SNX29: variants seen among roughly 807,000 people sequenced by gnomAD.
SNX29 encodes sorting nexin 29.
In SNX29, 78 loss-of-function variants were observed where a neutral mutation model predicts 102.1. The ratio of observed to expected loss-of-function variants is 0.76; its 90% CI spans 0.64 to 0.92. The LOEUF (loss-of-function observed/expected upper bound fraction) is 0.92. Ranked by LOEUF, SNX29 falls within the 40% of genes least tolerant of loss-of-function variation. SNX29 has a pLI of 0.00. For missense variants in SNX29, 1,280 were observed against 1,061.7 expected (o/e 1.21, Z -2.86); for synonymous variants, 580 against 414.5 (o/e 1.40, Z -4.85).
chr16:12,019,240 C>T (rs1258687229), intron 3 of SNX29, among the ~76,000 whole-genome samples: 1 of 152,182 alleles, frequency 6.6e-6, no homozygotes, highest in African/African-American at 2.4e-5. Flanking sequence ...TGGAGTCTCG[C>T]TCTGTCACCC....
At chr16:12,115,658 G>T (rs1484381941) in intron 11 of SNX29, among the ~76,000 whole-genome samples, 6 of 152,202 alleles carry the variant, frequency 3.9e-5, no homozygotes, top group Admixed American at 3.9e-4. Context: ...TTGCAGTGAA[G>T]AATGGGTAGG....
chr16:12,270,979 G>T (rs892107058), intron 14 of SNX29, among the ~76,000 whole-genome samples: 1 of 152,262 alleles, frequency 6.6e-6, no homozygotes, highest in Non-Finnish European at 1.5e-5. Flanking sequence ...GGAGGTGGAG[G>T]TTGCAGTGAG....
At chr16:12,517,672 A>G (rs1329047542) in intron 19 of SNX29, among the ~76,000 whole-genome samples, 1 of 152,206 alleles carries the variant, frequency 6.6e-6, no homozygotes, top group Non-Finnish European at 1.5e-5. Flanking sequence ...CCAGACAGAT[A>G]AGGTGCCTGC....
intron 15 of SNX29, among the ~76,000 whole-genome samples, chr16:12,354,751 T>A (rs2082083840): frequency 6.6e-6 from 1 of 152,142 alleles, no homozygotes; most frequent in Admixed American, 6.5e-5. Context: ...GTACTGTGTT[T>A]GTTTGTTAAA....
intron 18 of SNX29, among the ~76,000 whole-genome samples, chr16:12,473,622 C>T (rs200781663): frequency 4.6e-5 from 7 of 152,252 alleles, no homozygotes; most frequent in African/African-American, 9.6e-5. Flanking sequence ...CATTTTCGGA[C>T]GGTTAGGCAT....
chr16:12,109,323 C>T (rs2053408660), intron 11 of SNX29, among the ~76,000 whole-genome samples: 1 of 151,644 alleles, frequency 6.6e-6, no homozygotes, highest in Admixed American at 6.6e-5. Context: ...CTCTCTTCCT[C>T]TTCTTAAAAA....
chr16:12,361,654 A>G (rs2082302365), intron 16 of SNX29, among the ~76,000 whole-genome samples: 1 of 152,192 alleles, frequency 6.6e-6, no homozygotes. Flanking sequence ...GATCTGACTT[A>G]AAAAATTAAA....
chr16:12,017,149 T>C (rs537103699), intron 3 of SNX29, among the ~76,000 whole-genome samples: 1 of 152,208 alleles, frequency 6.6e-6, no homozygotes, highest in South Asian at 2.1e-4. Flanking sequence ...ACAAAAATTA[T>C]ACTGCCTGAT....
intron 14 of SNX29, among the ~76,000 whole-genome samples, chr16:12,226,574 CTTTTTTT>C (rs33956641): frequency 7.5e-6 from 1 of 133,254 alleles, no homozygotes; most frequent in East Asian, 2.2e-4. Context: ...ACTGAGCCTT[CTTTTTTT>C]TTTTTTTTTG....
At chr16:12,471,507 G>A (rs920355998) in intron 18 of SNX29, among the ~76,000 whole-genome samples, 2 of 152,150 alleles carry the variant, frequency 1.3e-5, no homozygotes, top group Admixed American at 6.5e-5. Flanking sequence ...ATTTCTCACT[G>A]AGGCCAGAAT....
chr16:12,406,889 A>G (rs2151526765), intron 18 of SNX29, among the ~76,000 whole-genome samples: 2 of 152,320 alleles, frequency 1.3e-5, no homozygotes, highest in South Asian at 4.1e-4. Context: ...AGCCTGGGCG[A>G]CAGAGCGAGA....
chr16:12,051,388 A>G (rs536896220), intron 7 of SNX29, among the ~76,000 whole-genome samples: 2 of 152,130 alleles, frequency 1.3e-5, no homozygotes, highest in South Asian at 4.2e-4. Flanking sequence ...GGGTGCAGAA[A>G]TAGACATCAC....
chr16:12,405,415 G>C (rs1032093976), intron 18 of SNX29, among the ~76,000 whole-genome samples: 5 of 152,216 alleles, frequency 3.3e-5, no homozygotes, highest in African/African-American at 1.2e-4. Flanking sequence ...ACGGTGTGAA[G>C]CTCTCATGGG....
intron 3 of SNX29, among the ~76,000 whole-genome samples, chr16:12,018,427 A>AT (rs1217593701): frequency 2.6e-5 from 4 of 151,326 alleles, no homozygotes; most frequent in African/African-American, 4.9e-5. Context: ...AATTAAAAAA[A>AT]AAAAAATCAG....
intron 19 of SNX29, among the ~76,000 whole-genome samples, chr16:12,490,094 C>T (rs1173484867): frequency 6.6e-6 from 1 of 152,180 alleles, no homozygotes; most frequent in African/African-American, 2.4e-5. Context: ...GCGTGAGCCA[C>T]AACGCCAGGG....
At chr16:12,470,994 C>T (rs779282266) in intron 18 of SNX29, among the ~76,000 whole-genome samples, 40 of 152,112 alleles carry the variant, frequency 2.6e-4, no homozygotes, top group Admixed American at 3.3e-4. Flanking sequence ...TCACAGCAGC[C>T]GAAAAGGATA....
At chr16:12,522,209 A>ATG (rs2090127380) in intron 19 of SNX29, among the ~76,000 whole-genome samples, 1 of 152,256 alleles carries the variant, frequency 6.6e-6, no homozygotes, top group Non-Finnish European at 1.5e-5. Flanking sequence ...CAAATACTGC[A>ATG]TGGAAAGGTT....
At position 12,144,651 on chromosome 16, in the gene SNX29, GT is replaced by G. The variant is rs1354752777; in HGVS notation, c.1595+14895del. ...CAGAACTGTGAGAAAAGAAATTTCT[GT>G]TCATTATAAATTACCCAGCCTCAGG... On this transcript the variant is annotated intron_variant, in intron 13 of 20. Coordinates refer to ENST00000566228, the MANE Select transcript of SNX29 (RefSeq NM_032167.5). Among the ~76,000 whole-genome samples, 3 of 152,214 alleles carry G rather than the reference GT, an allele frequency of 2.0e-5. No individual in the cohort carries two copies. The East Asian group carries it at 5.8e-4, about 29-fold the overall frequency.
At chr16:12,185,597 T>C (rs2076490808) in intron 13 of SNX29, among the ~76,000 whole-genome samples, 1 of 152,218 alleles carries the variant, frequency 6.6e-6, no homozygotes, top group African/African-American at 2.4e-5. Flanking sequence ...CTCTGCTGCA[T>C]GGCCCACATC....
Sources: gnomAD v4.1 joint callset for allele counts (sites outside exome capture counted in the v4.1 genomes callset) on GRCh38, gnomAD v4.1.1 for gene constraint, MANE v1.5 for transcripts, NCBI Gene and HGNC (gene_info 2026-07-23, HGNC 2026-07-21) for gene names.